Variants in INPP4B observed in about 807,000 individuals in gnomAD.
The protein encoded by INPP4B is inositol polyphosphate-4-phosphatase type II B.
INPP4B carries 55 observed loss-of-function variants against 122.5 expected under a neutral mutation model. The observed-to-expected ratio is 0.45, with a 90% CI of 0.36 to 0.56. INPP4B has a LOEUF of 0.56. Ranked by LOEUF, INPP4B falls within the 20% of genes least tolerant of loss-of-function variation. INPP4B has a pLI of 0.00. For synonymous variants in INPP4B, 403 were observed against 388.7 expected (o/e 1.04, Z -0.43); for missense variants, 1,000 against 1,097.7 (o/e 0.91, Z 1.26).
intron 14 of INPP4B, among the ~76,000 whole-genome samples, chr4:142,204,670 G>T (rs899224155): frequency 6.6e-6 from 1 of 151,978 alleles, no homozygotes; most frequent in Non-Finnish European, 1.5e-5. Context: ...TCCTTAAAGG[G>T]GATATTTGGA....
intron 1 of INPP4B, among the ~76,000 whole-genome samples, chr4:142,835,045 C>G (rs952889391): frequency 2.0e-5 from 3 of 152,196 alleles, no homozygotes; most frequent in African/African-American, 7.2e-5. Context: ...GACTTGGTAA[C>G]CCACCCATGT....
At chr4:142,549,266 T>A (rs1727397407) in intron 2 of INPP4B, among the ~76,000 whole-genome samples, 1 of 152,092 alleles carries the variant, frequency 6.6e-6, no homozygotes, top group Non-Finnish European at 1.5e-5. Flanking sequence ...CTGTTGTTGG[T>A]GATGAAATCT....
chr4:142,626,071 G>A (rs1266920936), intron 2 of INPP4B, among the ~76,000 whole-genome samples: 2 of 152,120 alleles, frequency 1.3e-5, no homozygotes, highest in East Asian at 1.9e-4. Context: ...ACATAGGCAT[G>A]GGCAAGGACT....
intron 5 of INPP4B, among the ~76,000 whole-genome samples, chr4:142,409,203 A>G (rs575291720): frequency 1.3e-4 from 20 of 152,238 alleles, no homozygotes; most frequent in African/African-American, 4.8e-4. Flanking sequence ...ATAAAAATAA[A>G]TGGAGGGGGC....
chr4:142,781,583 A>G (rs76833901), intron 1 of INPP4B, among the ~76,000 whole-genome samples: 1,619 of 152,314 alleles, frequency 0.011, 27 homozygotes, highest in African/African-American at 0.037. Flanking sequence ...TTGTGGTAGA[A>G]TTAATGAAAA....
intron 25 of INPP4B, among the ~76,000 whole-genome samples, chr4:142,036,977 A>G (rs1209308051): frequency 6.6e-6 from 1 of 152,184 alleles, no homozygotes; most frequent in Non-Finnish European, 1.5e-5. Flanking sequence ...TTTAAGTAAT[A>G]ACATTAGTAA....
At chr4:142,112,115 A>G (rs976794799) in intron 22 of INPP4B, among the ~76,000 whole-genome samples, 2 of 152,200 alleles carry the variant, frequency 1.3e-5, no homozygotes, top group African/African-American at 4.8e-5. Flanking sequence ...AGTCATTATT[A>G]AAAAAGCTAA....
intron 2 of INPP4B, among the ~76,000 whole-genome samples, chr4:142,601,095 A>G (rs1002271341): frequency 7.9e-5 from 12 of 152,204 alleles, no homozygotes; most frequent in African/African-American, 2.9e-4. Context: ...ATACAATCAT[A>G]ATGGGTGAAT....
intron 2 of INPP4B, among the ~76,000 whole-genome samples, chr4:142,670,824 T>A (rs1756889547): frequency 1.3e-5 from 2 of 152,316 alleles, no homozygotes; most frequent in Middle Eastern, 3.4e-3. Flanking sequence ...AAATGATTAC[T>A]ATGTGAGATA....
rs192190044 is a variant in INPP4B, at chr4:142,456,722, T to C, written c.-127+5941A>G. ...ATCTATTTAAATAGAGATACTGCGC[T>C]CATGGATTAGAAGACTCATTATTGG... On this transcript the variant is annotated intron_variant, in intron 3 of 25. Coordinates refer to ENST00000262992, the MANE Select transcript of INPP4B (RefSeq NM_001101669.3). 1.4e-4 allele frequency among the ~76,000 whole-genome samples: 21 copies of C among 152,226 alleles called. 1 individual carries two copies. The highest frequency in any genetic ancestry group is 1.2e-3 in the Admixed American group (19 of 15,270).
chr4:142,168,764 G>C (rs538176837), intron 16 of INPP4B, among the ~76,000 whole-genome samples: 1 of 151,502 alleles, frequency 6.6e-6, no homozygotes, highest in African/African-American at 2.4e-5. Context: ...AGAGTTAAAG[G>C]CACTCATTTA....
intron 3 of INPP4B, among the ~76,000 whole-genome samples, chr4:142,445,526 A>C (rs1313475106): frequency 6.6e-6 from 1 of 152,212 alleles, no homozygotes; most frequent in Non-Finnish European, 1.5e-5. Context: ...ACGATCTTAA[A>C]TGTGAATGTA....
chr4:142,786,489 G>C lies in INPP4B; in HGVS notation c.-254+59720C>G, dbSNP rs373672590. Among the ~76,000 whole-genome samples the C allele has an allele frequency of 2.0e-5, 3 of 152,172 alleles. No individual in the cohort carries two copies. The East Asian group carries it at 5.8e-4, about 29-fold the overall frequency. On this transcript the variant is annotated intron_variant, in intron 1 of 25. Transcript: ENST00000262992. ...GAGACATATTCAAATAATGTATGTA[G>C]ATACTCTACCCTAAAGGAGGTGGAA...
chr4:142,051,844 T>C (rs1560946774), intron 25 of INPP4B, among the ~76,000 whole-genome samples: 1 of 152,040 alleles, frequency 6.6e-6, no homozygotes, highest in Non-Finnish European at 1.5e-5. Flanking sequence ...CATTTTGTTT[T>C]GATTTTTAAC....
chr4:142,717,729 G>C (rs6813458), intron 2 of INPP4B, among the ~76,000 whole-genome samples: 1 of 151,314 alleles, frequency 6.6e-6, no homozygotes. Flanking sequence ...ATCACATACC[G>C]GGGCCTGTCG....
In INPP4B at chr4:142,633,272, G is replaced by T. The variant is rs181056574; in HGVS notation, c.-191+92567C>A. On this transcript the variant is annotated intron_variant, in intron 2 of 25. Transcript: ENST00000262992. ...GAAAGCAAATATTTAGAAAAATAAA[G>T]GAAAAGTACTCAATAACAATTTGAA... 1.1e-4 allele frequency among the ~76,000 whole-genome samples: 17 copies of T among 151,928 alleles called. No homozygotes were observed. The East Asian group carries it at 3.1e-3, about 28-fold the overall frequency.
At chr4:142,166,402 A>G (rs1365958757) in intron 16 of INPP4B, among the ~76,000 whole-genome samples, 1 of 151,936 alleles carries the variant, frequency 6.6e-6, no homozygotes, top group Admixed American at 6.6e-5. Flanking sequence ...AGATAGATTA[A>G]AGATTTAAAT....
At chr4:142,031,243 C>G (rs114170803) in intron 25 of INPP4B, among the ~76,000 whole-genome samples, 3,286 of 152,180 alleles carry the variant, frequency 0.022, 40 homozygotes, top group Non-Finnish European at 0.032. Flanking sequence ...GGGATATTCT[C>G]TATTAGCTCT....
chr4:142,061,926 ATATATATATATAT>A (rs1244145275), intron 25 of INPP4B, among the ~76,000 whole-genome samples: 8 of 55,744 alleles, frequency 1.4e-4, no homozygotes, highest in African/African-American at 4.6e-4. Context: ...ATATATATAT[ATATATATATATAT>A]ATCTGTAACT....
Sources: allele counts gnomAD v4.1 joint callset (sites outside exome capture counted in the v4.1 genomes callset), GRCh38; gene constraint gnomAD v4.1.1; transcripts MANE v1.5; gene names NCBI Gene and HGNC (gene_info 2026-07-23, HGNC 2026-07-21).